INTS6: variants seen among roughly 807,000 people sequenced by gnomAD.
The protein encoded by INTS6 is integrator complex subunit 6, also known as DEAD box protein.
INTS6 carries 16 observed loss-of-function variants against 104.9 expected under a neutral mutation model. That is an observed-to-expected ratio of 0.15 (90% CI 0.10 to 0.23). The LOEUF (loss-of-function observed/expected upper bound fraction) is 0.23, where lower values mean the gene tolerates loss of function less well. Ranked by LOEUF, INTS6 falls within the 10% of genes least tolerant of loss-of-function variation. The probability of loss-of-function intolerance (pLI) is 1.00; values close to 1 mark genes in which losing one functional copy is unlikely to be tolerated. For synonymous variants in INTS6, 324 were observed against 358.7 expected (o/e 0.90, Z 1.09); for missense variants, 584 against 1,062.8 (o/e 0.55, Z 6.26).
chr13:51,385,009 C>T (rs1260089322), intron 7 of INTS6: 1 of 206,744 alleles, frequency 4.8e-6, no homozygotes, highest in Admixed American at 5.6e-5. Flanking sequence ...CAGCCAATCA[C>T]CTAAAAATAG....
intron 10 of INTS6, among the ~76,000 whole-genome samples, chr13:51,381,785 C>T (rs1956054484): frequency 6.6e-6 from 1 of 151,654 alleles, no homozygotes; most frequent in African/African-American, 2.4e-5. Flanking sequence ...TCATTGCAAC[C>T]TCTGCCTTCC....
chr13:51,389,521 C>G (rs1956207394), intron 5 of INTS6, 77 bp from the exon 6 acceptor site: 1 of 1,252,806 alleles, frequency 8.0e-7, no homozygotes. Flanking sequence ...CTATCATTAG[C>G]AAGAAAAAAA....
intron 4 of INTS6, among the ~76,000 whole-genome samples, chr13:51,427,817 A>G (rs1468665589): frequency 6.6e-6 from 1 of 152,222 alleles, no homozygotes; most frequent in Non-Finnish European, 1.5e-5. Context: ...ATACTATGCT[A>G]GTATTGTAAA....
At chr13:51,388,368 G>GTGTTTTTTTTTTTTTTTTTTTTTTT (rs1344133694) in intron 6 of INTS6, among the ~76,000 whole-genome samples, 2 of 148,488 alleles carry the variant, frequency 1.3e-5, no homozygotes, top group East Asian at 2.1e-4. Context: ...GTGTGTGTGT[G>GTGTTTTTTTTTTTTTTTTTTTTTTT]TTTTGTTTTT....
At chr13:51,397,022 C>CT (rs1430279146) in intron 4 of INTS6, among the ~76,000 whole-genome samples, 3 of 152,090 alleles carry the variant, frequency 2.0e-5, no homozygotes, top group Non-Finnish European at 4.4e-5. Flanking sequence ...CAGTTTAGGG[C>CT]TTTTTTCTAC....
At chr13:51,338,480 TG>T in the INTS6 span, among the ~76,000 whole-genome samples, 1 of 151,884 alleles carries the variant, frequency 6.6e-6, no homozygotes, top group Non-Finnish European at 1.5e-5. Flanking sequence ...GATGGATGGA[TG>T]GATGGATGCA....
At chr13:51,413,110 A>G (rs1956719420) in intron 4 of INTS6, among the ~76,000 whole-genome samples, 1 of 152,244 alleles carries the variant, frequency 6.6e-6, no homozygotes, top group Non-Finnish European at 1.5e-5. Context: ...CTTCCTTGTC[A>G]CTGTGGGACA....
chr13:51,382,944 G>C (rs1047943665), intron 9 of INTS6, among the ~76,000 whole-genome samples: 1 of 152,122 alleles, frequency 6.6e-6, no homozygotes, highest in Non-Finnish European at 1.5e-5. Context: ...AGGCATGATG[G>C]TGTATGCCTG....
intron 5 of INTS6, 124 bp from the exon 6 acceptor site, chr13:51,389,568 G>T: frequency 1.2e-6 from 1 of 845,120 alleles, no homozygotes; most frequent in Non-Finnish European, 1.7e-6. Flanking sequence ...ATTAACAAAA[G>T]TTCAATGGTA....
intron 15 of INTS6, 128 bp from the exon 16 acceptor site, chr13:51,369,438 T>G: frequency 1.1e-6 from 1 of 900,302 alleles, no homozygotes. Context: ...TAACAAATAA[T>G]GTGATATAGT....
intron 10 of INTS6, among the ~76,000 whole-genome samples, chr13:51,380,313 T>C (rs1956021246): frequency 6.6e-6 from 1 of 152,118 alleles, no homozygotes; most frequent in South Asian, 2.1e-4. Flanking sequence ...AAAATATCAC[T>C]AGCAAGAGTG....
Position 51,362,092 on chromosome 13 carries a change from G to A in INTS6, c.*3660C>T. 1.3e-6 allele frequency: 2 copies of A among 1,503,902 alleles called. No homozygotes were observed. The highest frequency in any genetic ancestry group is 2.5e-5 in the East Asian group (1 of 40,544). The allele number at this position is 1,503,902 out of a possible 1,614,324, so 93.2% of individuals were successfully genotyped here. ...AGTACAAAGGAAACTTATCCTCCAT[G>A]TTTTTTACCTTCTCATTCTCTCAGC... On this transcript the variant is annotated 3_prime_UTR_variant, in exon 18 of 18. Transcript: ENST00000311234.
intron 15 of INTS6, among the ~76,000 whole-genome samples, chr13:51,371,561 A>G (rs1374204148): frequency 1.3e-5 from 2 of 151,818 alleles, no homozygotes; most frequent in African/African-American, 2.4e-5. Flanking sequence ...TTGACTCACT[A>G]TCTGCTTGCC....
chr13:51,367,540 T>C (rs1955716255), intron 17 of INTS6, among the ~76,000 whole-genome samples: 1 of 152,040 alleles, frequency 6.6e-6, no homozygotes. Flanking sequence ...ATCAAAAAGC[T>C]ACAGAGAAGA....
intron 17 of INTS6, among the ~76,000 whole-genome samples, chr13:51,367,077 G>GA (rs1480577411): frequency 6.6e-6 from 1 of 151,842 alleles, no homozygotes; most frequent in Non-Finnish European, 1.5e-5. Context: ...TAAAATCCAC[G>GA]AATGCTCAAG....
At chr13:51,372,482 T>G (rs1955829245) in intron 15 of INTS6, among the ~76,000 whole-genome samples, 1 of 152,090 alleles carries the variant, frequency 6.6e-6, no homozygotes, top group Non-Finnish European at 1.5e-5. Context: ...GTTCTGAGCG[T>G]TTTTTCTTCT....
At chr13:51,402,268 C>T (rs1275606484) in intron 4 of INTS6, among the ~76,000 whole-genome samples, 3 of 152,086 alleles carry the variant, frequency 2.0e-5, no homozygotes, top group African/African-American at 4.8e-5. Context: ...TATTATTATC[C>T]CCTTTTCAGA....
intron 14 of INTS6, 22 bp downstream of exon 14, chr13:51,374,632 T>C (rs1394580071): frequency 2.5e-6 from 4 of 1,612,202 alleles, no homozygotes; most frequent in Non-Finnish European, 2.5e-6. Context: ...ACAAATTACA[T>C]AATAGAACAT....
At chr13:51,403,583 A>AAAAAAAAAAG (rs773170890) in intron 4 of INTS6, among the ~76,000 whole-genome samples, 4 of 106,442 alleles carry the variant, frequency 3.8e-5, no homozygotes, top group Admixed American at 1.2e-4. Context: ...CTCCATTTCA[A>AAAAAAAAAAG]AAAAAAAAAA....
Sources: allele counts gnomAD v4.1 joint callset (sites outside exome capture counted in the v4.1 genomes callset), GRCh38; gene constraint gnomAD v4.1.1; transcripts MANE v1.5; gene names NCBI Gene and HGNC (gene_info 2026-07-23, HGNC 2026-07-21).